SCFD2: variants seen among roughly 807,000 people sequenced by gnomAD.
SCFD2 encodes sec1 family domain-containing protein 2.
In SCFD2, 54 loss-of-function variants were observed where a neutral mutation model predicts 58.9. The observed-to-expected ratio is 0.92, with a 90% CI of 0.74 to 1.15. SCFD2 has a LOEUF of 1.15. Among genes scored for constraint, SCFD2 ranks in the 50% most tolerant of loss-of-function variants. The pLI, the probability that SCFD2 is intolerant of heterozygous loss-of-function variation, is 0.00. For missense variants in SCFD2, 805 were observed against 836.6 expected, an observed-to-expected ratio of 0.96 and a Z score of 0.47; for synonymous variants, 321 against 335.9, an observed-to-expected ratio of 0.96 and a Z score of 0.49.
At chr4:52,889,432 G>A (rs1718829787) in intron 7 of SCFD2, among the ~76,000 whole-genome samples, 1 of 152,134 alleles carries the variant, frequency 6.6e-6, no homozygotes, top group Admixed American at 6.6e-5. Flanking sequence ...ACACCTCTCA[G>A]CTCCATCACA....
At chr4:52,955,134 G>A (rs1400877208) in intron 5 of SCFD2, among the ~76,000 whole-genome samples, 1 of 152,198 alleles carries the variant, frequency 6.6e-6, no homozygotes, top group Non-Finnish European at 1.5e-5. Context: ...AGAGCAGACA[G>A]GGGCTCAGCT....
chr4:53,177,709 C>A (rs549852340), intron 4 of SCFD2, among the ~76,000 whole-genome samples: 1 of 152,266 alleles, frequency 6.6e-6, no homozygotes, highest in Admixed American at 6.5e-5. Context: ...CAAGGCATCG[C>A]CTCATCCGGG....
chr4:53,013,561 G>T (rs1722145039), intron 5 of SCFD2, among the ~76,000 whole-genome samples: 1 of 152,158 alleles, frequency 6.6e-6, no homozygotes, highest in Non-Finnish European at 1.5e-5. Context: ...AGAGGTTGGT[G>T]GGGAGATAGT....
chr4:53,007,254 T>G (rs555188877), intron 5 of SCFD2, among the ~76,000 whole-genome samples: 1 of 131,510 alleles, frequency 7.6e-6, no homozygotes, highest in African/African-American at 2.9e-5. Flanking sequence ...ACTGCAGCCT[T>G]GGCAACAGAG....
At chr4:53,096,628 G>T (rs1414612977) in intron 5 of SCFD2, among the ~76,000 whole-genome samples, 1 of 152,226 alleles carries the variant, frequency 6.6e-6, no homozygotes, top group Non-Finnish European at 1.5e-5. Context: ...TTTGTCAGAT[G>T]AGTAGATTGC....
At chr4:53,196,143 T>G (rs1728050412) in intron 4 of SCFD2, among the ~76,000 whole-genome samples, 1 of 152,188 alleles carries the variant, frequency 6.6e-6, no homozygotes, top group Admixed American at 6.6e-5. Context: ...TTAAAAATCC[T>G]TAAATGATCA....
intron 5 of SCFD2, among the ~76,000 whole-genome samples, chr4:53,031,388 C>A (rs1353287506): frequency 6.6e-6 from 1 of 152,212 alleles, no homozygotes; most frequent in African/African-American, 2.4e-5. Context: ...AGGATCACAA[C>A]TCCTTGCCAG....
In SCFD2 at chr4:53,156,101, T is replaced by A. The variant is rs80021820; in HGVS notation, c.1312-10519A>T. ...CAGTTTCACTTAAGAGCTCTTGATA[T>A]GGCCAGATACAGTGGCTCACACCTG... On this transcript the variant is annotated intron_variant, in intron 4 of 8. Transcript: ENST00000401642. Among the ~76,000 whole-genome samples the A allele has an allele frequency of 2.8e-3, 427 of 152,264 alleles. 3 individuals carry two copies. The highest frequency in any genetic ancestry group is 9.6e-3 in the African/African-American group (399 of 41,566).
chr4:52,918,849 T>C (rs1328852527), intron 6 of SCFD2, among the ~76,000 whole-genome samples: 1 of 152,142 alleles, frequency 6.6e-6, no homozygotes, highest in Non-Finnish European at 1.5e-5. Context: ...TCAGCATATC[T>C]AGGTCTATTC....
intron 4 of SCFD2, among the ~76,000 whole-genome samples, chr4:53,152,371 TA>T (rs950934414): frequency 2.6e-5 from 4 of 151,430 alleles, no homozygotes; most frequent in Admixed American, 6.6e-5. Flanking sequence ...AAAAAAAAAT[TA>T]AAAAAAGAAC....
intron 5 of SCFD2, among the ~76,000 whole-genome samples, chr4:53,018,168 G>A (rs1192812782): frequency 1.3e-5 from 2 of 152,110 alleles, no homozygotes; most frequent in Non-Finnish European, 2.9e-5. Context: ...GCTCATGATA[G>A]GGCCTGACAC....
chr4:53,186,291 A>T (rs1727734155), intron 4 of SCFD2, among the ~76,000 whole-genome samples: 1 of 151,902 alleles, frequency 6.6e-6, no homozygotes, highest in Admixed American at 6.6e-5. Context: ...TTTTCCCACT[A>T]TATTATGTGT....
Position 53,301,514 on chromosome 4 carries a change from C to T in SCFD2, c.1135+12122G>A, listed in dbSNP as rs369313592. Among the ~76,000 whole-genome samples, 59 of 152,096 alleles carry T rather than the reference C, an allele frequency of 3.9e-4. No individual in the cohort carries two copies. In the South Asian group the frequency reaches 6.0e-3, roughly 16 times the overall value. Reference sequence around the variant, plus strand: ...CAGATGGATTCACAGCCGAATTCTACCAGAGGTACAAGGAGGAACTGGTAC... The same window carrying T: ...CAGATGGATTCACAGCCGAATTCTATCAGAGGTACAAGGAGGAACTGGTAC... On this transcript the variant is annotated intron_variant, in intron 3 of 8. Transcript: ENST00000401642.
chr4:53,011,480 A>G (rs924666436), intron 5 of SCFD2, among the ~76,000 whole-genome samples: 1 of 152,224 alleles, frequency 6.6e-6, no homozygotes, highest in Non-Finnish European at 1.5e-5. Flanking sequence ...GGGAATTTCT[A>G]ATATGCAGTG....
chr4:52,955,457 G>A (rs2109534897), intron 5 of SCFD2, among the ~76,000 whole-genome samples: 1 of 152,320 alleles, frequency 6.6e-6, no homozygotes, highest in African/African-American at 2.4e-5. Context: ...AGCCCTTCAT[G>A]TCTTCTATAA....
intron 4 of SCFD2, among the ~76,000 whole-genome samples, chr4:53,238,251 C>G (rs1237228468): frequency 8.2e-6 from 1 of 121,356 alleles, no homozygotes; most frequent in Non-Finnish European, 1.7e-5. Flanking sequence ...CCAGTAGGGG[C>G]GGCCAGGCAG....
intron 2 of SCFD2, among the ~76,000 whole-genome samples, chr4:53,325,601 T>C (rs1733167735): frequency 1.3e-5 from 2 of 152,204 alleles, no homozygotes; most frequent in Non-Finnish European, 2.9e-5. Context: ...GTGAGATTGA[T>C]TTACTGATAG....
chr4:53,127,408 G>A (rs898556008), intron 5 of SCFD2, among the ~76,000 whole-genome samples: 3 of 151,948 alleles, frequency 2.0e-5, no homozygotes, highest in Non-Finnish European at 2.9e-5. Flanking sequence ...TTCTATGTGC[G>A]CACCCCCCAC....
At chr4:52,993,782 G>T (rs942853757) in intron 5 of SCFD2, among the ~76,000 whole-genome samples, 2 of 152,176 alleles carry the variant, frequency 1.3e-5, no homozygotes, top group African/African-American at 4.8e-5. Flanking sequence ...CTCTAGCACA[G>T]GTACTTTTCT....
Sources: allele counts gnomAD v4.1 joint callset (sites outside exome capture counted in the v4.1 genomes callset), GRCh38; gene constraint gnomAD v4.1.1; transcripts MANE v1.5; gene names NCBI Gene and HGNC (gene_info 2026-07-23, HGNC 2026-07-21).